The following ERICH2 variants were observed in gnomAD, a reference collection of about 807,000 sequenced individuals.
ERICH2 encodes the protein glutamate-rich protein 2.
In ERICH2, 17 loss-of-function variants were observed where a neutral mutation model predicts 17.4. That is an observed-to-expected ratio of 0.98 (90% confidence interval 0.67 to 1.47). The LOEUF is 1.47. ERICH2 is among the 40% of genes most tolerant of loss of function. The probability of loss-of-function intolerance (pLI) is 0.00; values close to 1 mark genes in which losing one functional copy is unlikely to be tolerated. For missense variants in ERICH2, 186 were observed against 183.2 expected, an observed-to-expected ratio of 1.01 and a Z score of -0.09; for synonymous variants, 51 against 61.1, an observed-to-expected ratio of 0.83 and a Z score of 0.77.
At chr2:170,790,977 A>T (rs185271779) in intron 2 of ERICH2, among the ~76,000 whole-genome samples, 2 of 152,258 alleles carry the variant, frequency 1.3e-5, no homozygotes, top group Admixed American at 1.3e-4. Flanking sequence ...AGAAAAATAA[A>T]ATAAACATAA....
chr2:170,787,043 G>A (rs1701175702), intron 2 of ERICH2, among the ~76,000 whole-genome samples: 1 of 151,766 alleles, frequency 6.6e-6, no homozygotes, highest in Non-Finnish European at 1.5e-5. Context: ...TTGTTTGTTT[G>A]TTTGTTTGTT....
At chr2:170,776,866 C>T in the ERICH2 span, among the ~76,000 whole-genome samples, 1 of 151,722 alleles carries the variant, frequency 6.6e-6, no homozygotes, top group Admixed American at 6.6e-5. Flanking sequence ...ATTATTTCAT[C>T]ACCCAGGTAT....
intron 2 of ERICH2, among the ~76,000 whole-genome samples, chr2:170,789,126 A>G (rs1274716164): frequency 7.3e-6 from 1 of 136,978 alleles, no homozygotes; most frequent in Non-Finnish European, 1.6e-5. Flanking sequence ...ATGCCTGGCT[A>G]ATTTTTTTTT....
At chr2:170,777,798 TAG>T in the ERICH2 span, 1 of 540,812 alleles carries the variant, frequency 1.8e-6, no homozygotes, top group Non-Finnish European at 2.8e-6. Context: ...ATGCATGGAT[TAG>T]CACTTCAGCT....
exon 5 of ERICH2, chr2:170,798,790 C>A: frequency 6.4e-7 from 1 of 1,550,596 alleles, no homozygotes; most frequent in African/African-American, 1.4e-5. Flanking sequence ...GAATCATGAG[C>A]AAGACGGTGA....
At chr2:170,780,406 T>TA (rs971916187), upstream of ERICH2, among the ~76,000 whole-genome samples, 16 of 152,352 alleles carry the variant, frequency 1.1e-4, no homozygotes, top group African/African-American at 3.8e-4. Flanking sequence ...GTCTTACTGT[T>TA]AAAATCAGGA....
chr2:170,792,175 TA>T (rs1164703383), intron 2 of ERICH2, among the ~76,000 whole-genome samples: 4 of 152,234 alleles, frequency 2.6e-5, no homozygotes, highest in East Asian at 1.9e-4. Flanking sequence ...ATCCATGGTT[TA>T]TTTTTTTTAA....
the ERICH2 span, chr2:170,777,956 C>G: frequency 3.0e-6 from 1 of 331,646 alleles, no homozygotes; most frequent in Non-Finnish European, 5.4e-6. Flanking sequence ...TTACTTGTAT[C>G]ATAATTTTCA....
At chr2:170,786,640 C>G (rs1475024188) in intron 2 of ERICH2, among the ~76,000 whole-genome samples, 2 of 152,152 alleles carry the variant, frequency 1.3e-5, no homozygotes, top group African/African-American at 2.4e-5. Flanking sequence ...CGCTGAACCA[C>G]TCAGTATTGT....
upstream of ERICH2, among the ~76,000 whole-genome samples, chr2:170,779,445 A>C (rs1700978448): frequency 6.6e-6 from 1 of 152,200 alleles, no homozygotes; most frequent in African/African-American, 2.4e-5. Flanking sequence ...TGGGCACACA[A>C]ATGCCACATT....
At chr2:170,792,054 T>A (rs1038551411) in intron 2 of ERICH2, among the ~76,000 whole-genome samples, 7 of 152,182 alleles carry the variant, frequency 4.6e-5, no homozygotes, top group Admixed American at 6.5e-5. Context: ...TGCATTTTTT[T>A]AATGGAAGCA....
At chr2:170,777,277 C>T in the ERICH2 span, 1 of 265,270 alleles carries the variant, frequency 3.8e-6, no homozygotes, top group Non-Finnish European at 5.9e-6. Flanking sequence ...GTATCTTATT[C>T]TAGCTAGTAG....
chr2:170,770,829 G>GCCCGC, the ERICH2 span: 48 of 130,318 alleles, frequency 3.7e-4, no homozygotes, highest in East Asian at 2.4e-4. Flanking sequence ...CAGCTCGGCC[G>GCCCGC]CCCGCCCCGC....
intron 3 of ERICH2, among the ~76,000 whole-genome samples, chr2:170,797,798 A>G (rs1267845039): frequency 7.4e-6 from 1 of 135,994 alleles, no homozygotes; most frequent in Non-Finnish European, 1.5e-5. Flanking sequence ...TCTCAGGGAA[A>G]AAAAAAAAAA....
intron 2 of ERICH2, among the ~76,000 whole-genome samples, chr2:170,791,281 C>T (rs1701282321): frequency 6.6e-6 from 1 of 151,946 alleles, no homozygotes; most frequent in Non-Finnish European, 1.5e-5. Context: ...ATGAGTTGAA[C>T]CTACCATGTT....
chr2:170,774,106 C>A, the ERICH2 span, among the ~76,000 whole-genome samples: 1 of 152,198 alleles, frequency 6.6e-6, no homozygotes. Context: ...GCCACAAGGA[C>A]TGTTAAAAGA....
chr2:170,793,557 T>A (rs949143052), intron 3 of ERICH2, among the ~76,000 whole-genome samples: 2 of 152,084 alleles, frequency 1.3e-5, no homozygotes, highest in African/African-American at 4.8e-5. Context: ...CCAGGGAGGA[T>A]GAATGGCAAA....
chr2:170,774,564 C>CTTCTT, the ERICH2 span, among the ~76,000 whole-genome samples: 26 of 98,516 alleles, frequency 2.6e-4, 1 homozygote, highest in South Asian at 5.8e-4. Flanking sequence ...AGAGCCCCAT[C>CTTCTT]TTTTTTTTTT....
At chr2:170,796,959 A>G (rs950217209) in intron 3 of ERICH2, among the ~76,000 whole-genome samples, 1 of 152,356 alleles carries the variant, frequency 6.6e-6, no homozygotes, top group East Asian at 1.9e-4. Context: ...CTAAGGGTAT[A>G]AATCTTTCTG....
Sources: gnomAD v4.1 joint callset for allele counts (sites outside exome capture counted in the v4.1 genomes callset) on GRCh38, gnomAD v4.1.1 for gene constraint, MANE v1.5 for transcripts, NCBI Gene and HGNC (gene_info 2026-07-23, HGNC 2026-07-21) for gene names.